Variants in ASCC3 observed in about 807,000 individuals in gnomAD.
ASCC3 encodes the protein ASC-1 complex subunit P200.
Under a neutral mutation model 256.3 loss-of-function variants are expected in ASCC3, and 158 were observed. The observed-to-expected ratio is 0.62, with a 90% CI of 0.54 to 0.70. The LOEUF is 0.70. ASCC3 is among the 30% of genes least tolerant of loss of function. The pLI is 0.00. For synonymous variants in ASCC3, 948 were observed against 883.4 expected, an observed-to-expected ratio of 1.07 and a Z score of -1.30; for missense variants, 2,259 against 2,626.0, an observed-to-expected ratio of 0.86 and a Z score of 3.05.
At chr6:100,800,581 C>T in intron 5 of ASCC3, 77 bp from the exon 6 acceptor site, 1 of 1,113,886 alleles carries the variant, frequency 9.0e-7, no homozygotes, top group South Asian at 1.3e-5. Context: ...CATTTCTTTC[C>T]TCCACCCCAC....
chr6:100,873,493 G>C (rs183643159), intron 1 of ASCC3, among the ~76,000 whole-genome samples: 3 of 152,138 alleles, frequency 2.0e-5, no homozygotes, highest in Non-Finnish European at 4.4e-5. Context: ...CCTTGCTAGA[G>C]ACCTAGACAA....
At chr6:100,810,070 C>T (rs554733968) in intron 4 of ASCC3, among the ~76,000 whole-genome samples, 28 of 152,226 alleles carry the variant, frequency 1.8e-4, no homozygotes, top group Non-Finnish European at 3.5e-4. Context: ...CTTCTAAGTA[C>T]GCCCACATGA....
chr6:100,548,980 T>C (rs1769153206), intron 36 of ASCC3, among the ~76,000 whole-genome samples: 1 of 152,004 alleles, frequency 6.6e-6, no homozygotes, highest in South Asian at 2.1e-4. Context: ...AATAATAACA[T>C]AAAACAATTA....
intron 37 of ASCC3, among the ~76,000 whole-genome samples, chr6:100,525,577 A>G (rs1490556203): frequency 2.0e-5 from 3 of 152,248 alleles, no homozygotes; most frequent in Non-Finnish European, 2.9e-5. Context: ...CATAGGTACA[A>G]GTATTATATA....
chr6:100,580,250 A>G (rs1192991696), intron 36 of ASCC3, among the ~76,000 whole-genome samples: 1 of 152,046 alleles, frequency 6.6e-6, no homozygotes, highest in Non-Finnish European at 1.5e-5. Context: ...AAAGCGTAAG[A>G]ATTCTAACTC....
Position 100,662,019 on chromosome 6 carries a change from T to G in ASCC3, c.2490A>C (p.Ile830=). The change falls in exon 16 of 42, where the codon ATA becomes ATC. Residue 830 remains isoleucine, a synonymous_variant. Coordinates refer to ENST00000369162, the MANE Select transcript of ASCC3 (RefSeq NM_006828.4). The stretch of plus-strand genomic sequence containing the variant: ...CAAAGGAGCCTCTTTTTGCAGCATA[T>G]ATTTGTGTTCCCTAGATGAGGAAAA... The part of the protein sequence containing the change: ...AHAVIIKGTQ[I]YAAKRGSFVD... 6.2e-7 allele frequency: 1 copy of G among 1,613,184 alleles called. No individual in the cohort carries two copies. Among genetic ancestry groups the G allele is most frequent in the Non-Finnish European group, 8.5e-7 (1 of 1,179,396 alleles).
In ASCC3 at chr6:100,837,772, T is replaced by A. The variant is rs78353477; in HGVS notation, c.801+10376A>T. On this transcript the variant is annotated intron_variant, in intron 4 of 41. Transcript: ENST00000369162. ...GAACAAGGAGAGTTTGGCCAATGGGTACGAAGTTACAGTTAGAGAGGAGGA... is the reference window on the plus strand; with the variant it reads ...GAACAAGGAGAGTTTGGCCAATGGGAACGAAGTTACAGTTAGAGAGGAGGA... Among the ~76,000 whole-genome samples the A allele has an allele frequency of 7.5e-3, 1,137 of 152,032 alleles. 14 individuals carry two copies. Among genetic ancestry groups the A allele is most frequent in the African/African-American group, 0.026 (1,066 of 41,468 alleles).
intron 33 of ASCC3, among the ~76,000 whole-genome samples, chr6:100,602,935 A>G (rs1005763481): frequency 2.0e-5 from 3 of 152,108 alleles, no homozygotes; most frequent in African/African-American, 2.4e-5. Flanking sequence ...ATTTTTAAAA[A>G]AGTTGCTATG....
intron 11 of ASCC3, among the ~76,000 whole-genome samples, chr6:100,723,052 G>A (rs190619415): frequency 2.0e-3 from 305 of 151,606 alleles, no homozygotes; most frequent in African/African-American, 4.5e-3. Context: ...AAAACACAGC[G>A]TTGATTTTGC....
intron 34 of ASCC3, among the ~76,000 whole-genome samples, chr6:100,597,663 A>G (rs1487242792): frequency 6.6e-6 from 1 of 151,924 alleles, no homozygotes; most frequent in South Asian, 2.1e-4. Flanking sequence ...AACACATGAA[A>G]TATGAATGGT....
chr6:100,835,928 C>T (rs1015900797), intron 4 of ASCC3, among the ~76,000 whole-genome samples: 1 of 152,024 alleles, frequency 6.6e-6, no homozygotes, highest in Non-Finnish European at 1.5e-5. Context: ...TTTATTTCAT[C>T]AATGTTTTAT....
intron 4 of ASCC3, among the ~76,000 whole-genome samples, chr6:100,827,639 A>T (rs1000325065): frequency 4.1e-4 from 63 of 152,156 alleles, no homozygotes; most frequent in African/African-American, 1.5e-3. Context: ...ATTTCAATAA[A>T]TTTTGCCCTT....
rs1462598758 is a variant in ASCC3, at chr6:100,879,237, C to T, written c.-42+1824G>A. On this transcript the variant is annotated intron_variant, in intron 1 of 41. Coordinates refer to ENST00000369162, the MANE Select transcript of ASCC3 (RefSeq NM_006828.4). ...GGCACACCACCTCAAGGAATCTCCA[C>T]ATGTTCAGCTTTCAGAAGCTTTATG... Among the ~76,000 whole-genome samples, 5 of 152,326 alleles carry T rather than the reference C, an allele frequency of 3.3e-5. No homozygotes were observed. In the East Asian group the frequency reaches 9.6e-4, roughly 29 times the overall value.
chr6:100,690,957 CTTAAAAATCACT>C (rs914306076), intron 13 of ASCC3, among the ~76,000 whole-genome samples: 2 of 152,088 alleles, frequency 1.3e-5, no homozygotes, highest in African/African-American at 2.4e-5. Flanking sequence ...ATAAATTTCA[CTTAAAAATCACT>C]TTAATATTTA....
chr6:100,706,294 T>C (rs1778576979), intron 13 of ASCC3, among the ~76,000 whole-genome samples: 1 of 151,372 alleles, frequency 6.6e-6, no homozygotes, highest in African/African-American at 2.4e-5. Context: ...CAAAGACAGC[T>C]AGTGACTGGG....
chr6:100,590,535 TTCCTACTAGGTGAACCCTATA>T (rs1771952724), intron 34 of ASCC3, among the ~76,000 whole-genome samples: 1 of 152,106 alleles, frequency 6.6e-6, no homozygotes, highest in African/African-American at 2.4e-5. Context: ...AGTTCCCTAA[TTCCTACTAGGTGAACCCTATA>T]TCCTAGTCAG....
intron 37 of ASCC3, among the ~76,000 whole-genome samples, chr6:100,529,591 ATAT>A (rs755509804): frequency 6.6e-6 from 1 of 152,178 alleles, no homozygotes; most frequent in Non-Finnish European, 1.5e-5. Flanking sequence ...GGGATTAAAA[ATAT>A]TATTCATGGT....
chr6:100,760,497 A>G, intron 10 of ASCC3, among the ~76,000 whole-genome samples: 1 of 152,206 alleles, frequency 6.6e-6, no homozygotes, highest in East Asian at 1.9e-4. Flanking sequence ...CGTTGTGGAT[A>G]AGTTTTTTGA....
At chr6:100,803,954 A>T (rs1274770923) in intron 5 of ASCC3, among the ~76,000 whole-genome samples, 1 of 151,916 alleles carries the variant, frequency 6.6e-6, no homozygotes, top group Non-Finnish European at 1.5e-5. Context: ...GGCAAAAAAC[A>T]GTGTGGTAAA....
Sources: allele counts gnomAD v4.1 joint callset (sites outside exome capture counted in the v4.1 genomes callset), GRCh38; gene constraint gnomAD v4.1.1; transcripts MANE v1.5; gene names NCBI Gene and HGNC (gene_info 2026-07-23, HGNC 2026-07-21).